Variants in LDLRAD4 observed in about 807,000 individuals in gnomAD.
LDLRAD4 encodes low-density lipoprotein receptor class A domain-containing protein 4.
LDLRAD4 carries 5 observed loss-of-function variants against 17.0 expected under a neutral mutation model. The observed-to-expected ratio is 0.29, with a 90% CI of 0.15 to 0.62. LDLRAD4 has a LOEUF of 0.62. Ranked by LOEUF, LDLRAD4 falls within the 20% of genes least tolerant of loss-of-function variation. The pLI, the probability that LDLRAD4 is intolerant of heterozygous loss-of-function variation, is 0.84. For synonymous variants in LDLRAD4, 168 were observed against 171.8 expected, an observed-to-expected ratio of 0.98 and a Z score of 0.17; for missense variants, 340 against 424.7, an observed-to-expected ratio of 0.80 and a Z score of 1.75.
At chr18:13,475,024 G>A (rs1278701201) in intron 3 of LDLRAD4, among the ~76,000 whole-genome samples, 1 of 152,150 alleles carries the variant, frequency 6.6e-6, no homozygotes, top group Non-Finnish European at 1.5e-5. Context: ...CCCTGGGTCT[G>A]GGGTGGCTCC....
At chr18:13,399,929 A>G (rs1359492741) in intron 2 of LDLRAD4, among the ~76,000 whole-genome samples, 3 of 152,228 alleles carry the variant, frequency 2.0e-5, no homozygotes, top group African/African-American at 7.2e-5. Context: ...TGTCATTTAG[A>G]TGCAATTATT....
At chr18:13,324,723 G>T (rs115953230) in intron 1 of LDLRAD4, among the ~76,000 whole-genome samples, 196 of 152,242 alleles carry the variant, frequency 1.3e-3, no homozygotes, top group African/African-American at 4.4e-3. Flanking sequence ...CAATTTAGAG[G>T]CTCATTTTGC....
intron 1 of LDLRAD4, chr18:13,382,832 C>G (rs2085483646): frequency 6.6e-6 from 1 of 152,294 alleles, no homozygotes; most frequent in African/African-American, 2.4e-5. Flanking sequence ...GAAGCAGTGC[C>G]TTCAGGGCAA....
chr18:13,555,288 G>A (rs2094473047), intron 3 of LDLRAD4, among the ~76,000 whole-genome samples: 1 of 152,274 alleles, frequency 6.6e-6, no homozygotes, highest in African/African-American at 2.4e-5. Flanking sequence ...ATCAGCAAGA[G>A]GAAAGAATGT....
rs370393974 is a variant in LDLRAD4, at chr18:13,497,483, G to C, written c.181+59099G>C. The stretch of plus-strand genomic sequence containing the variant: ...CCTGAGCCACTGGGCCTGGCAAAAG[G>C]GTGGCTCTTGTAGTGTTTTTTTTTT... On this transcript the variant is annotated intron_variant, in intron 3 of 5. Transcript: ENST00000359446. 2.0e-4 allele frequency among the ~76,000 whole-genome samples: 30 copies of C among 152,138 alleles called. No individual in the cohort carries two copies. The East Asian group carries it at 5.2e-3, about 26-fold the overall frequency.
intron 3 of LDLRAD4, among the ~76,000 whole-genome samples, chr18:13,551,154 C>A (rs74401667): frequency 6.6e-6 from 1 of 152,172 alleles, no homozygotes; most frequent in African/African-American, 2.4e-5. Flanking sequence ...TCACCTCCAA[C>A]GGCCACGAGC....
intron 4 of LDLRAD4, chr18:13,641,730 G>C (rs1478901250): frequency 6.1e-6 from 6 of 984,640 alleles, no homozygotes; most frequent in African/African-American, 3.5e-5. Context: ...GGTGCGGCAA[G>C]GGGAGCGGGG....
At chr18:13,607,576 A>G (rs1047329972) in intron 3 of LDLRAD4, among the ~76,000 whole-genome samples, 2 of 151,886 alleles carry the variant, frequency 1.3e-5, no homozygotes, top group Non-Finnish European at 2.9e-5. Flanking sequence ...TATTTGTCCT[A>G]TTGCCCTTCC....
intron 1 of LDLRAD4, among the ~76,000 whole-genome samples, chr18:13,379,931 G>A (rs1344573732): frequency 6.6e-6 from 1 of 152,196 alleles, no homozygotes; most frequent in African/African-American, 2.4e-5. Context: ...GCTGGAGTGG[G>A]GGAGATCCCT....
chr18:13,562,972 C>T (rs2094557144), intron 3 of LDLRAD4: 1 of 152,202 alleles, frequency 6.6e-6, no homozygotes, highest in Non-Finnish European at 1.5e-5. Flanking sequence ...CAACTGCCAC[C>T]CTCTATATAG....
intron 3 of LDLRAD4, chr18:13,489,703 C>T (rs1251865050): frequency 6.6e-6 from 1 of 152,166 alleles, no homozygotes; most frequent in Non-Finnish European, 1.5e-5. Context: ...CTTCTGTGAC[C>T]ACCTGTATTA....
chr18:13,596,493 A>G (rs907809223), intron 3 of LDLRAD4, among the ~76,000 whole-genome samples: 2 of 152,192 alleles, frequency 1.3e-5, no homozygotes, highest in African/African-American at 2.4e-5. Context: ...CTTAACACAC[A>G]TAACTTGTCA....
chr18:13,587,082 A>G (rs1371730010), intron 3 of LDLRAD4, among the ~76,000 whole-genome samples: 3 of 152,164 alleles, frequency 2.0e-5, no homozygotes, highest in Non-Finnish European at 2.9e-5. Context: ...TTGAAACACC[A>G]CCGCTTCCTT....
At chr18:13,395,218 A>G (rs1373592482) in intron 2 of LDLRAD4, among the ~76,000 whole-genome samples, 1 of 151,810 alleles carries the variant, frequency 6.6e-6, no homozygotes, top group Non-Finnish European at 1.5e-5. Flanking sequence ...TAAAGTACCA[A>G]AACACAGTCT....
intron 1 of LDLRAD4, among the ~76,000 whole-genome samples, chr18:13,375,247 AAAG>A (rs2144950823): frequency 6.6e-6 from 1 of 152,342 alleles, no homozygotes; most frequent in Admixed American, 6.5e-5. Flanking sequence ...AAGGAGGAGA[AAAG>A]GAGGAGGTCT....
chr18:13,257,669 T>C (rs1165610300), intron 1 of LDLRAD4, among the ~76,000 whole-genome samples: 3 of 152,228 alleles, frequency 2.0e-5, no homozygotes, highest in Non-Finnish European at 4.4e-5. Context: ...GGGGTGACTT[T>C]GTTCCCCAGA....
chr18:13,250,843 A>T lies in LDLRAD4; in HGVS notation c.-466-27262A>T, dbSNP rs905320966. Among the ~76,000 whole-genome samples, 8 of 152,356 alleles carry T rather than the reference A, an allele frequency of 5.3e-5. No homozygotes were observed. In the South Asian group the frequency reaches 6.2e-4, roughly 12 times the overall value. On this transcript the variant is annotated intron_variant, in intron 1 of 5. Coordinates refer to the LDLRAD4 transcript ENST00000399848. ...TAGTTCTTCTCAAACTATTCCAAAT[A>T]AATTGTATCAGAGATAATTCTTCCT... is the stretch of plus-strand genomic sequence containing the variant.
chr18:13,389,141 A>G (rs1399701906), intron 2 of LDLRAD4, among the ~76,000 whole-genome samples: 2 of 152,188 alleles, frequency 1.3e-5, no homozygotes, highest in Non-Finnish European at 2.9e-5. Context: ...CTCTTGAACC[A>G]TCTTCATACC....
At chr18:13,503,514 G>C (rs941657458) in intron 3 of LDLRAD4, among the ~76,000 whole-genome samples, 1 of 152,138 alleles carries the variant, frequency 6.6e-6, no homozygotes, top group African/African-American at 2.4e-5. Context: ...TATCAAGTAG[G>C]GGAAACAGAT....
Sources: gnomAD v4.1 joint callset for allele counts (sites outside exome capture counted in the v4.1 genomes callset) on GRCh38, gnomAD v4.1.1 for gene constraint, MANE v1.5 for transcripts, NCBI Gene and HGNC (gene_info 2026-07-23, HGNC 2026-07-21) for gene names.